The following API5 variants were observed in gnomAD, a reference collection of about 807,000 sequenced individuals.
API5 encodes the protein FIF.
A neutral mutation model predicts 71.9 loss-of-function variants in API5; 6 were observed. The ratio of observed to expected loss-of-function variants is 0.08; its 90% CI spans 0.05 to 0.16. API5 has a LOEUF of 0.16. Ranked by LOEUF, API5 falls within the 10% of genes least tolerant of loss-of-function variation. API5 has a pLI of 1.00. For missense variants in API5, 332 were observed against 612.8 expected (o/e 0.54, Z 4.84); for synonymous variants, 189 against 221.3 (o/e 0.85, Z 1.30).
rs878920892 is a variant in API5 at position 43,312,029 on chromosome 11, T to G, written c.-99T>G. The stretch of plus-strand genomic sequence containing the variant: ...CGGCTGCACTGGCGGCAGCTGGAGG[T>G]GTAATAGTGCGGGTAGTGGGTTTGG... On this transcript the variant is annotated 5_prime_UTR_variant, in exon 1 of 14. Transcript: ENST00000531273. 2.5e-5 allele frequency: 33 copies of G among 1,316,774 alleles called. No homozygotes were observed. The highest frequency in any genetic ancestry group is 7.5e-5 in the East Asian group (3 of 39,946). The allele number at this position is 1,316,774 out of a possible 1,614,324, so 81.6% of individuals were successfully genotyped here.
In API5 at chr11:43,342,480, A is replaced by G; in HGVS notation, c.1545A>G (p.Arg515=). The G allele has an allele frequency of 6.2e-7, 1 of 1,613,022 alleles. No homozygotes were observed. Residue 515 remains arginine, a synonymous_variant, in exon 14 of 14, where the codon CGA becomes CGG. Transcript: ENST00000531273. The stretch of plus-strand genomic sequence containing the variant: ...GAGGTGGCCGAGGTTGGGGCACACG[A>G]GGAAATCGTAGTCGGGGAAGACTCT... ...GSRGGRGWGT[R]GNRSRGRLY
chr11:43,315,387 G>T (rs767466116), intron 1 of API5, among the ~76,000 whole-genome samples: 43 of 151,754 alleles, frequency 2.8e-4, no homozygotes, highest in Non-Finnish European at 4.4e-4. Context: ...ATCCTTTTAT[G>T]TATTTATTTA....
intron 2 of API5, among the ~76,000 whole-genome samples, chr11:43,319,359 T>G (rs1370911326): frequency 6.6e-6 from 1 of 152,216 alleles, no homozygotes; most frequent in Non-Finnish European, 1.5e-5. Flanking sequence ...AGCCGTTAGC[T>G]CTTGTCTTTT....
chr11:43,322,171 A>T, intron 5 of API5, 35 bp downstream of exon 5: 1 of 1,561,284 alleles, frequency 6.4e-7, no homozygotes, highest in Non-Finnish European at 8.6e-7. Flanking sequence ...GAAATTCTCT[A>T]AAGCAAAAGA....
chr11:43,333,923 C>A (rs572229602), intron 11 of API5, among the ~76,000 whole-genome samples: 2 of 152,236 alleles, frequency 1.3e-5, no homozygotes, highest in South Asian at 2.1e-4. Context: ...TAATACAGTA[C>A]CTACACATCA....
At position 43,330,548 on chromosome 11, in the gene API5, T is replaced by C. The variant is rs760064239; in HGVS notation, c.1262T>C (p.Ile421Thr). The part of the protein sequence containing the change: ...KVVALKITNN[I>T]NVLIKDLFHI... ...GTTGCATTGAAAATAACAAACAATA[T>C]CAATGTTTTAATCAAGGTAAGTCTG... is the stretch of plus-strand genomic sequence containing the variant. Residue 421 changes from isoleucine (I) to threonine (T), a missense_variant, in exon 11 of 14, where the codon ATC becomes ACC. Around this residue, in one of 3 missense-constraint regions of API5, gnomAD observed 168 missense variants for 343.9 expected, o/e 0.49. Coordinates refer to ENST00000531273, the MANE Select transcript of API5 (RefSeq NM_001142930.2). 6.3e-7 allele frequency: 1 copy of C among 1,596,388 alleles called. No individual in the cohort carries two copies. Among genetic ancestry groups the C allele is most frequent in the Non-Finnish European group, 8.6e-7 (1 of 1,164,746 alleles).
rs202247147 is a variant in API5 at position 43,335,402 on chromosome 11, C to T, written c.1355+48C>T. 6 of 1,190,214 alleles carry T rather than the reference C, an allele frequency of 5.0e-6. 1 individual carries two copies. The highest frequency in any genetic ancestry group is 5.0e-6 in the Non-Finnish European group (4 of 799,954). The allele number at this position is 1,190,214 out of a possible 1,614,324, so 73.7% of individuals were successfully genotyped here. A position where few individuals can be genotyped will look rare whatever the true frequency, so the allele number is the denominator to read the frequency against. ...ATTTAAGTGTTATCAAAACTTAATACGAGTTACATTTACTGTTCAAAAGGG... is the reference window on the plus strand; with the variant it reads ...ATTTAAGTGTTATCAAAACTTAATATGAGTTACATTTACTGTTCAAAAGGG... On this transcript the variant is annotated intron_variant, in intron 12 of 13. Transcript: ENST00000531273.
Position 43,342,613 on chromosome 11 carries a change from C to T in API5, c.*103C>T. ...GTCCCTTTAAACAGACTGCTGCCTTCAGCTAAAAACTTAATGTTCTTTATA... is the reference window on the plus strand; with the variant it reads ...GTCCCTTTAAACAGACTGCTGCCTTTAGCTAAAAACTTAATGTTCTTTATA... On this transcript the variant is annotated 3_prime_UTR_variant, in exon 14 of 14. Coordinates refer to ENST00000531273, the MANE Select transcript of API5 (RefSeq NM_001142930.2). 2 of 1,171,680 alleles carry T rather than the reference C, an allele frequency of 1.7e-6. No homozygotes were observed. Among genetic ancestry groups the T allele is most frequent in the East Asian group, 2.5e-5 (1 of 40,162 alleles). 72.6% of individuals were successfully genotyped at this position (1,171,680 alleles called of 1,614,324 possible). A position where few individuals can be genotyped will look rare whatever the true frequency, so the allele number is the denominator to read the frequency against.
chr11:43,331,233 ACCTTTTGACTCCC>A (rs1397587382), intron 11 of API5: 8 of 152,924 alleles, frequency 5.2e-5, no homozygotes, highest in African/African-American at 1.9e-4. Flanking sequence ...CCCCATGTAT[ACCTTTTGACTCCC>A]CCAAAACAAC....
rs776211232 is a variant in API5 at position 43,327,887 on chromosome 11, T to A, written c.945+9T>A. ...TATTTGATAAGTTATTGGTAAGAACTTTTTCCTTTCCTTATGGGATAGTCA... is the reference window on the plus strand; with the variant it reads ...TATTTGATAAGTTATTGGTAAGAACATTTTCCTTTCCTTATGGGATAGTCA... On this transcript the variant is annotated intron_variant, in intron 8 of 13. Transcript: ENST00000531273. 1 of 1,586,922 alleles carries A rather than the reference T, an allele frequency of 6.3e-7. No homozygotes were observed. Among genetic ancestry groups the A allele is most frequent in the South Asian group, 1.1e-5 (1 of 89,272 alleles).
At chr11:43,323,672 A>G (rs748312088) in intron 6 of API5, 36 bp downstream of exon 6, 5 of 1,555,882 alleles carry the variant, frequency 3.2e-6, no homozygotes, top group African/African-American at 2.7e-5. Context: ...GGTATTAGCT[A>G]TATATATATT....
At chr11:43,341,500 A>G (rs2134390886) in intron 13 of API5, among the ~76,000 whole-genome samples, 1 of 152,324 alleles carries the variant, frequency 6.6e-6, no homozygotes, top group South Asian at 2.1e-4. Flanking sequence ...AAAATTAAAC[A>G]ATGCATGTTC....
At chr11:43,318,857 G>C (rs1337905006) in intron 2 of API5, 56 bp downstream of exon 2, 1 of 1,523,312 alleles carries the variant, frequency 6.6e-7, no homozygotes, top group Non-Finnish European at 9.0e-7. Flanking sequence ...GTATGTGGCT[G>C]ATACAATTGG....
intron 13 of API5, among the ~76,000 whole-genome samples, chr11:43,341,179 C>CT (rs1855600460): frequency 6.6e-6 from 1 of 152,108 alleles, no homozygotes; most frequent in Non-Finnish European, 1.5e-5. Context: ...ATTCTAAACA[C>CT]TAAGCATCAG....
chr11:43,315,924 A>G (rs1366903454), intron 1 of API5, among the ~76,000 whole-genome samples: 1 of 152,214 alleles, frequency 6.6e-6, no homozygotes, highest in African/African-American at 2.4e-5. Flanking sequence ...ACTTAATTTT[A>G]TATTATGTAG....
At chr11:43,314,987 A>G (rs1854620588) in intron 1 of API5, among the ~76,000 whole-genome samples, 1 of 152,186 alleles carries the variant, frequency 6.6e-6, no homozygotes, top group Non-Finnish European at 1.5e-5. Flanking sequence ...ATGTCAACTT[A>G]TGAGAGATTT....
chr11:43,339,138 C>T (rs1855530215), intron 13 of API5: 1 of 152,154 alleles, frequency 6.6e-6, no homozygotes. Flanking sequence ...AAGAAGGTGA[C>T]TTTGAATCAG....
At chr11:43,327,747 T>C in intron 7 of API5, 42 bp from the exon 8 acceptor site, 1 of 1,413,346 alleles carries the variant, frequency 7.1e-7, no homozygotes, top group Non-Finnish European at 9.9e-7. Flanking sequence ...TCATAACCCT[T>C]GCTTATTCAA....
chr11:43,318,316 A>G (rs532678006), intron 1 of API5: 2 of 1,172,856 alleles, frequency 1.7e-6, no homozygotes, highest in South Asian at 1.4e-5. Flanking sequence ...GCCCATTACA[A>G]ATTTTTTAAG....
Sources: gnomAD v4.1 joint callset for allele counts (sites outside exome capture counted in the v4.1 genomes callset) on GRCh38, gnomAD v4.1.1 for gene constraint, gnomAD v4.1.1 regional missense constraint, MANE v1.5 for transcripts, NCBI Gene and HGNC (gene_info 2026-07-23, HGNC 2026-07-21) for gene names.